The following CACNA1G variants were observed in gnomAD, a reference collection of about 807,000 sequenced individuals.
CACNA1G encodes the protein voltage-dependent T-type calcium channel subunit alpha-1G.
In CACNA1G, 67 loss-of-function variants were observed where a neutral mutation model predicts 219.4. The observed-to-expected ratio is 0.31, with a 90% CI of 0.25 to 0.37. CACNA1G has a LOEUF of 0.37. Ranked by LOEUF, CACNA1G falls within the 10% of genes least tolerant of loss-of-function variation. The probability of loss-of-function intolerance (pLI) is 1.00; values close to 1 mark genes in which losing one functional copy is unlikely to be tolerated. For missense variants in CACNA1G, 2,380 were observed against 3,231.4 expected (o/e 0.74, Z 6.39); for synonymous variants, 1,296 against 1,345.3 (o/e 0.96, Z 0.80).
intron 19 of CACNA1G, among the ~76,000 whole-genome samples, chr17:50,602,063 G>A (rs1174620564): frequency 6.6e-6 from 1 of 152,194 alleles, no homozygotes; most frequent in African/African-American, 2.4e-5. Flanking sequence ...TAAGGCAGGG[G>A]CGCTGGCTGC....
At chr17:50,601,221 A>G in intron 19 of CACNA1G, 47 bp downstream of exon 19, 1 of 1,602,176 alleles carries the variant, frequency 6.2e-7, no homozygotes, top group Non-Finnish European at 8.5e-7. Flanking sequence ...TGGGGTTTGC[A>G]CTCAGGACCA....
In CACNA1G at chr17:50,621,419, C is replaced by G. The variant is rs2051988644; in HGVS notation, c.5926-241C>G. 6.6e-6 allele frequency among the ~76,000 whole-genome samples: 1 copy of G among 152,152 alleles called. No individual in the cohort carries two copies. Among genetic ancestry groups the G allele is most frequent in the African/African-American group, 2.4e-5 (1 of 41,418 alleles). ...TCTCCTCGCTTTGTCAGTGTTTGCT[C>G]TGGCTCTTCAGTGCCTGCCGCAGCC... is the stretch of plus-strand genomic sequence containing the variant. On this transcript the variant is annotated intron_variant, in intron 34 of 37. Transcript: ENST00000359106. The surrounding 1 kb of genome is among the most constrained non-coding windows in gnomAD (Gnocchi z 4.6).
chr17:50,605,845 G>C, intron 22 of CACNA1G, 53 bp from the exon 23 acceptor site: 1 of 1,606,520 alleles, frequency 6.2e-7, no homozygotes, highest in South Asian at 1.1e-5. Context: ...AGGAGTCCTG[G>C]GCTTCCTGTG....
Position 50,571,741 on chromosome 17 carries a change from G to A in CACNA1G, c.587-137G>A. On this transcript the variant is annotated intron_variant, in intron 4 of 37. Coordinates refer to ENST00000359106, the MANE Select transcript of CACNA1G (RefSeq NM_018896.5). The surrounding 1 kb of genome is among the most constrained non-coding windows in gnomAD (Gnocchi z 4.3). ...ATCTGGGGAGTCAGAGGTGTCTGTT[G>A]GTCTCCCCTCCAGCTTGAGCCGGGC... 2.6e-6 allele frequency: 2 copies of A among 772,160 alleles called. No individual in the cohort carries two copies. The highest frequency in any genetic ancestry group is 5.3e-5 in the East Asian group (2 of 37,974). 47.8% of individuals were successfully genotyped at this position (772,160 alleles called of 1,614,324 possible).
At position 50,603,242 on chromosome 17, in the gene CACNA1G, C is replaced by T; in HGVS notation, c.4169+43C>T. 1 of 1,543,990 alleles carries T rather than the reference C, an allele frequency of 6.5e-7. No individual in the cohort carries two copies. The highest frequency in any genetic ancestry group is 8.8e-7 in the Non-Finnish European group (1 of 1,140,658). On this transcript the variant is annotated intron_variant, in intron 21 of 37. Coordinates refer to ENST00000359106, the MANE Select transcript of CACNA1G (RefSeq NM_018896.5). The surrounding 1 kb of genome is among the most constrained non-coding windows in gnomAD (Gnocchi z 6.4). ...ACTGGAACACCTCCAAGAGGTGGCC[C>T]CCTCCGCAGGGACATCTCCCACCGC...
chr17:50,602,929 G>T, intron 20 of CACNA1G, 41 bp downstream of exon 20: 2 of 1,612,916 alleles, frequency 1.2e-6, no homozygotes, highest in Non-Finnish European at 1.7e-6. Flanking sequence ...CTGGTTCCTG[G>T]TGGGGGTGGA....
Position 50,599,760 on chromosome 17 carries a change from G to C in CACNA1G, c.3591G>C (p.Gln1197His), listed in dbSNP as rs576475156. 4 of 1,613,610 alleles carry C rather than the reference G, an allele frequency of 2.5e-6. No homozygotes were observed. In the Admixed American group the frequency reaches 5.0e-5, roughly 20 times the overall value. The change falls in exon 17 of 38, where the codon CAG (glutamine) becomes CAC (histidine). Residue 1197 changes from glutamine (Q) to histidine (H), a missense_variant. By Grantham distance (24) the Gln-to-His change is conservative (BLOSUM62 0). Around this residue, in one of 17 missense-constraint regions of CACNA1G, gnomAD observed 418 missense variants for 434.3 expected, o/e 0.96. Coordinates refer to ENST00000359106, the MANE Select transcript of CACNA1G (RefSeq NM_018896.5). ...GCCGAGGGTCTGCTTCTGAGCACCA[G>C]GACTGCAATGGCAAGTCGGCTTCAG... ...ASGRGSASEH[Q>H]DCNGKSASGR...
chr17:50,571,906 G>A lies in CACNA1G; in HGVS notation c.615G>A (p.Leu205=). The change falls in exon 5 of 38, where the codon CTG becomes CTA. Residue 205 remains leucine (L), a synonymous_variant. Coordinates refer to ENST00000359106, the MANE Select transcript of CACNA1G (RefSeq NM_018896.5). The surrounding 1 kb of genome is among the most constrained non-coding windows in gnomAD (Gnocchi z 4.3). The part of the protein sequence containing the change: ...PSMRILVTLL[L]DTLPMLGNVL... ...TGCGCATCCTTGTCACGTTGCTGCT[G>A]GATACGCTGCCCATGCTGGGCAACG... 3 of 1,613,890 alleles carry A rather than the reference G, an allele frequency of 1.9e-6. No individual in the cohort carries two copies. The highest frequency in any genetic ancestry group is 2.5e-6 in the Non-Finnish European group (3 of 1,179,844).
rs951504289 is a variant in CACNA1G, at chr17:50,599,448, G to T, written c.3279G>T (p.Pro1093=). The change falls in exon 17 of 38, where the codon CCG becomes CCT. Residue 1093 remains proline (P), a synonymous_variant. Transcript: ENST00000359106. Reference sequence around the variant, plus strand: ...CACAGCCCAGCGCCCGCAGCTCTCCGCACAGCCCCTGGAGCGCTGCAAGCA... The same window carrying T: ...CACAGCCCAGCGCCCGCAGCTCTCCTCACAGCCCCTGGAGCGCTGCAAGCA... ...MKSPPSARSS[P]HSPWSAASSW... is the part of the protein sequence containing the mutation. 6.4e-7 allele frequency: 1 copy of T among 1,560,152 alleles called. No homozygotes were observed. Among genetic ancestry groups the T allele is most frequent in the Middle Eastern group, 2.2e-4 (1 of 4,550 alleles).
chr17:50,619,137 T>A, intron 33 of CACNA1G, 129 bp downstream of exon 33: 1 of 722,186 alleles, frequency 1.4e-6, no homozygotes, highest in Non-Finnish European at 2.2e-6. Context: ...CCCTCCGTCC[T>A]GGATGCTGAG....
At chr17:50,592,667 A>G (rs751261110) in intron 13 of CACNA1G, among the ~76,000 whole-genome samples, 30 of 152,170 alleles carry the variant, frequency 2.0e-4, no homozygotes, top group Admixed American at 1.4e-3. Flanking sequence ...ATTGATTTAC[A>G]TTGATCCTGC....
In CACNA1G at chr17:50,627,404, T is replaced by C. The variant is rs1298453629; in HGVS notation, c.*653T>C. 2.7e-6 allele frequency: 1 copy of C among 375,986 alleles called. No individual in the cohort carries two copies. The highest frequency in any genetic ancestry group is 2.1e-5 in the African/African-American group (1 of 46,868). The allele number at this position is 375,986 out of a possible 1,614,324, so 23.3% of individuals were successfully genotyped here. ...TTACAAGTGAAATGGAACCTTTTTA[T>C]ATATACATACATACATATCTATCTA... On this transcript the variant is annotated 3_prime_UTR_variant, in exon 38 of 38. Transcript: ENST00000359106.
In CACNA1G at chr17:50,600,960, G is replaced by A. The variant is rs2046500320; in HGVS notation, c.3792-91G>A. 2 of 1,584,290 alleles carry A rather than the reference G, an allele frequency of 1.3e-6. No homozygotes were observed. The highest frequency in any genetic ancestry group is 1.7e-6 in the Non-Finnish European group (2 of 1,159,700). On this transcript the variant is annotated intron_variant, in intron 18 of 37. Transcript: ENST00000359106. This position sits in a 1 kb window ranked among gnomAD's most constrained non-coding sequence, Gnocchi z 4.1. ...GTGAGCAGGGTGGCCTCAGCTGGGA[G>A]GGCACTGGAGGGGCAGGGGCTGCGG...
At chr17:50,616,204 T>A (rs2050560832) in intron 27 of CACNA1G, 71 bp from the exon 28 acceptor site, 1 of 906,264 alleles carries the variant, frequency 1.1e-6, no homozygotes, top group African/African-American at 1.6e-5. Context: ...GGCGGTATGA[T>A]GGAGGGGCGG....
In CACNA1G at chr17:50,618,910, G is replaced by T. The variant is rs767275608; in HGVS notation, c.5683G>T (p.Val1895Phe). 1 of 1,608,250 alleles carries T rather than the reference G, an allele frequency of 6.2e-7. No individual in the cohort carries two copies. The highest frequency in any genetic ancestry group is 1.7e-5 in the Admixed American group (1 of 59,810). ...GGGCAGCCCCTTCCTCTGGCCTGGG[G>T]TCGAGGGCCCCGACAGCCCCGACAG... ...PLGSPFLWPG[V>F]EGPDSPDSPK... The change falls in exon 33 of 38, where the codon GTC becomes TTC. Residue 1895 changes from valine to phenylalanine, a missense_variant. Coordinates refer to ENST00000359106, the MANE Select transcript of CACNA1G (RefSeq NM_018896.5). This position sits in a 1 kb window ranked among gnomAD's most constrained non-coding sequence, Gnocchi z 5.3.
chr17:50,592,766 G>C (rs1414920212), intron 13 of CACNA1G, among the ~76,000 whole-genome samples: 6 of 152,068 alleles, frequency 3.9e-5, no homozygotes, highest in African/African-American at 7.2e-5. Context: ...CGAGCCCCCA[G>C]ACCCACCCCA....
At position 50,621,536 on chromosome 17, in the gene CACNA1G, T is replaced by G. The variant is rs1177551590; in HGVS notation, c.5926-124T>G. The G allele has an allele frequency of 1.8e-6, 2 of 1,090,408 alleles. No homozygotes were observed. Among genetic ancestry groups the G allele is most frequent in the African/African-American group, 1.6e-5 (1 of 63,968 alleles). The allele number at this position is 1,090,408 out of a possible 1,614,324, so 67.5% of individuals were successfully genotyped here. ...TGGGGAGAGAGAAGGGATGCCTTTTTCCCGCCCCCCTGTGCTTCGTGAAAA... is the reference window on the plus strand; with the variant it reads ...TGGGGAGAGAGAAGGGATGCCTTTTGCCCGCCCCCCTGTGCTTCGTGAAAA... On this transcript the variant is annotated intron_variant, in intron 34 of 37. Transcript: ENST00000359106. This position sits in a 1 kb window ranked among gnomAD's most constrained non-coding sequence, Gnocchi z 4.6.
chr17:50,596,518 A>G lies in CACNA1G; in HGVS notation c.2980-44A>G, dbSNP rs765921624. ...GAGGCCCGGTCCATCCCAACCACCC[A>G]AGCCTGGCCGGATCCCTAATGGTCC... is the stretch of plus-strand genomic sequence containing the variant. On this transcript the variant is annotated intron_variant, in intron 14 of 37. Coordinates refer to ENST00000359106, the MANE Select transcript of CACNA1G (RefSeq NM_018896.5). The surrounding 1 kb of genome is among the most constrained non-coding windows in gnomAD (Gnocchi z 4.8). The G allele has an allele frequency of 6.4e-7, 1 of 1,559,620 alleles. No individual in the cohort carries two copies. The highest frequency in any genetic ancestry group is 8.8e-7 in the Non-Finnish European group (1 of 1,131,012).
intron 35 of CACNA1G, among the ~76,000 whole-genome samples, chr17:50,623,343 C>T (rs536376030): frequency 7.2e-5 from 10 of 138,506 alleles, no homozygotes; most frequent in African/African-American, 2.8e-4. Flanking sequence ...AACTCCTGAG[C>T]TCAAGCGATC....
Sources: allele counts gnomAD v4.1 joint callset (sites outside exome capture counted in the v4.1 genomes callset), GRCh38; gene constraint gnomAD v4.1.1; regional missense constraint gnomAD v4.1.1; non-coding constraint Gnocchi (gnomAD v3.1); transcripts MANE v1.5; gene names NCBI Gene and HGNC (gene_info 2026-07-23, HGNC 2026-07-21).